Variants in DTNB observed in about 807,000 individuals in gnomAD.
The protein encoded by DTNB is DTN-B.
DTNB carries 63 observed loss-of-function variants against 90.7 expected under a neutral mutation model. The observed-to-expected ratio is 0.69, with a 90% CI of 0.57 to 0.86. The LOEUF (loss-of-function observed/expected upper bound fraction) is 0.86. Ranked by LOEUF, DTNB falls within the 40% of genes least tolerant of loss-of-function variation. The pLI is 0.00. For missense variants in DTNB, 744 were observed against 807.1 expected (o/e 0.92, Z 0.95); for synonymous variants, 277 against 286.7 (o/e 0.97, Z 0.34).
At chr2:25,460,277 A>C (rs765506541) in intron 10 of DTNB, among the ~76,000 whole-genome samples, 13 of 152,076 alleles carry the variant, frequency 8.5e-5, no homozygotes, top group Non-Finnish European at 1.6e-4. Flanking sequence ...GATGATAGAG[A>C]ACTCAGTTTG....
chr2:25,433,852 C>T, intron 13 of DTNB, 58 bp downstream of exon 13: 1 of 1,581,130 alleles, frequency 6.3e-7, no homozygotes, highest in Non-Finnish European at 8.7e-7. Context: ...AAATGAGAAT[C>T]AGATACGCAC....
chr2:25,632,730 C>A (rs1414066552), intron 3 of DTNB, among the ~76,000 whole-genome samples: 1 of 152,170 alleles, frequency 6.6e-6, no homozygotes, highest in South Asian at 2.1e-4. Context: ...GACTTCCCAG[C>A]CTCCGTATCT....
At chr2:25,627,361 G>A (rs908199458) in intron 4 of DTNB, among the ~76,000 whole-genome samples, 10 of 151,472 alleles carry the variant, frequency 6.6e-5, no homozygotes, top group Admixed American at 3.9e-4. Flanking sequence ...GTGGTGAGCC[G>A]AGCTTGCACA....
rs377592272 is a variant in DTNB at position 25,455,423 on chromosome 2, C to T, written c.1151G>A (p.Arg384His). 6.4e-5 allele frequency: 102 copies of T among 1,601,794 alleles called. No homozygotes were observed. The highest frequency in any genetic ancestry group is 1.0e-4 in the South Asian group (9 of 88,454). ...CACTGACCGTGCACAGTGCTGCAGA[C>T]GGGCCACATAGGAGGCTATCAGCGC... is the stretch of plus-strand genomic sequence containing the variant. Reference protein sequence around the residue: ...EHALIASYVARLQHCARVLDS... With the variant: ...EHALIASYVAHLQHCARVLDS... The change falls in exon 11 of 21, where the codon CGT (arginine) becomes CAT (histidine). Residue 384 changes from arginine to histidine, a missense_variant. Transcript: ENST00000406818.
At chr2:25,553,881 A>G (rs1008105356) in intron 8 of DTNB, among the ~76,000 whole-genome samples, 31 of 152,182 alleles carry the variant, frequency 2.0e-4, no homozygotes, top group African/African-American at 6.8e-4. Context: ...ACAACAGCCA[A>G]GGAGGGAGCT....
intron 16 of DTNB, among the ~76,000 whole-genome samples, chr2:25,418,108 G>A (rs530721211): frequency 5.3e-5 from 8 of 152,318 alleles, no homozygotes; most frequent in African/African-American, 1.4e-4. Context: ...AATAAACTCT[G>A]TGTGAATAAA....
intron 12 of DTNB, among the ~76,000 whole-genome samples, chr2:25,441,239 G>A (rs1018481114): frequency 6.6e-6 from 1 of 152,150 alleles, no homozygotes; most frequent in Non-Finnish European, 1.5e-5. Context: ...AACCCAGTTG[G>A]GGCCATTTCT....
intron 8 of DTNB, chr2:25,558,243 C>T: frequency 1.0e-6 from 1 of 985,292 alleles, no homozygotes; most frequent in Admixed American, 6.1e-5. Context: ...AAATCTGTAC[C>T]TGTAGATCTC....
chr2:25,388,181 A>T lies in DTNB; in HGVS notation c.1735+21T>A, dbSNP rs1290922538. 1.9e-6 allele frequency: 3 copies of T among 1,553,686 alleles called. No individual in the cohort carries two copies. The Admixed American group carries it at 5.8e-5, about 30-fold the overall frequency. ...TGCACATCCCTTCAGCTCCCCGCTG[A>T]ACTCTGCTCCAGAAACTCACCTTGT... On this transcript the variant is annotated intron_variant, in intron 17 of 20. Coordinates refer to ENST00000406818, the MANE Select transcript of DTNB (RefSeq NM_021907.5).
chr2:25,436,891 T>C (rs2055967538), intron 12 of DTNB, among the ~76,000 whole-genome samples: 1 of 152,212 alleles, frequency 6.6e-6, no homozygotes, highest in African/African-American at 2.4e-5. Flanking sequence ...GAAAGAAATT[T>C]GCTTCATATG....
intron 5 of DTNB, among the ~76,000 whole-genome samples, chr2:25,602,569 A>G (rs765570210): frequency 5.7e-4 from 87 of 152,344 alleles, no homozygotes; most frequent in Admixed American, 8.5e-4. Context: ...GCCCTTCTAC[A>G]GTCTGCTAAT....
At chr2:25,517,283 T>G (rs1273259701) in intron 9 of DTNB, among the ~76,000 whole-genome samples, 1 of 152,170 alleles carries the variant, frequency 6.6e-6, no homozygotes, top group East Asian at 1.9e-4. Context: ...GGGCTGGAAG[T>G]GGGAGCTGGG....
chr2:25,382,571 C>T (rs1027040280), intron 19 of DTNB, among the ~76,000 whole-genome samples: 1 of 134,448 alleles, frequency 7.4e-6, no homozygotes, highest in East Asian at 2.1e-4. Flanking sequence ...CTTTGTTGCC[C>T]AGGCTGGAGT....
chr2:25,461,813 G>A lies in DTNB; in HGVS notation c.1080-6319C>T, dbSNP rs755996673. On this transcript the variant is annotated intron_variant, in intron 10 of 20. Coordinates refer to ENST00000406818, the MANE Select transcript of DTNB (RefSeq NM_021907.5). ...AAATGTAGTAAGTGTTTTGATGAGC[G>A]GGGACACTGTCCTCCTCTGAGAGGA... 3.3e-5 allele frequency among the ~76,000 whole-genome samples: 5 copies of A among 152,192 alleles called. No individual in the cohort carries two copies. The East Asian group carries it at 5.8e-4, about 18-fold the overall frequency.
chr2:25,395,543 C>CATAAAT (rs549907819), intron 16 of DTNB, among the ~76,000 whole-genome samples: 24 of 148,488 alleles, frequency 1.6e-4, no homozygotes, highest in Admixed American at 1.1e-3. Context: ...ACAATATATA[C>CATAAAT]ATAAATATAA....
At chr2:25,580,922 A>G (rs1341504682) in intron 6 of DTNB, 96 bp from the exon 7 acceptor site, 1 of 974,750 alleles carries the variant, frequency 1.0e-6, no homozygotes, top group African/African-American at 1.6e-5. Flanking sequence ...ACTTTAGTGA[A>G]TTACACGGTA....
At chr2:25,672,941 T>G (rs547222812) in intron 1 of DTNB, 3 of 152,886 alleles carry the variant, frequency 2.0e-5, no homozygotes, top group South Asian at 2.1e-4. Context: ...TGATTTGGGG[T>G]GATCTGAAAT....
At chr2:25,431,023 C>T (rs2053684064) in intron 14 of DTNB, among the ~76,000 whole-genome samples, 1 of 152,294 alleles carries the variant, frequency 6.6e-6, no homozygotes, top group African/African-American at 2.4e-5. Context: ...CTCATATATA[C>T]TGATCAAAAC....
chr2:25,618,369 C>T (rs1165793185), intron 4 of DTNB, among the ~76,000 whole-genome samples: 1 of 152,188 alleles, frequency 6.6e-6, no homozygotes, highest in East Asian at 1.9e-4. Context: ...CACGAGACAT[C>T]TGAAATTATT....
Sources: allele counts gnomAD v4.1 joint callset (sites outside exome capture counted in the v4.1 genomes callset), GRCh38; gene constraint gnomAD v4.1.1; transcripts MANE v1.5; gene names NCBI Gene and HGNC (gene_info 2026-07-23, HGNC 2026-07-21).